Variants in THSD7B observed in about 807,000 individuals in gnomAD.
The protein encoded by THSD7B is thrombospondin type 1 domain containing 7B.
In THSD7B, 138 loss-of-function variants were observed where a neutral mutation model predicts 213.6. The observed-to-expected ratio is 0.65, with a 90% CI of 0.56 to 0.74. The LOEUF is 0.74. THSD7B is among the 30% of genes least tolerant of loss of function. THSD7B has a pLI of 0.00. For missense variants in THSD7B, 1,931 were observed against 1,991.5 expected, an observed-to-expected ratio of 0.97 and a Z score of 0.58; for synonymous variants, 742 against 687.0, an observed-to-expected ratio of 1.08 and a Z score of -1.25.
At chr2:137,306,447 A>G (rs534857593) in intron 12 of THSD7B, among the ~76,000 whole-genome samples, 139 of 152,154 alleles carry the variant, frequency 9.1e-4, no homozygotes, top group Middle Eastern at 6.8e-3. Flanking sequence ...TTTTTCTTCA[A>G]ACTTTAAAGA....
chr2:136,956,073 C>T (rs1558866469), intron 2 of THSD7B, among the ~76,000 whole-genome samples: 1 of 149,590 alleles, frequency 6.7e-6, no homozygotes, highest in Non-Finnish European at 1.5e-5. Flanking sequence ...TTTTCTTGCA[C>T]ATAAAAAACA....
At chr2:137,432,302 A>G (rs7597853) in intron 14 of THSD7B, among the ~76,000 whole-genome samples, 85,763 of 152,094 alleles carry the variant, frequency 0.56, 27,396 homozygotes, top group East Asian at 0.77. Context: ...GAGGCAGGGG[A>G]ATCGCTTGAA....
chr2:137,444,851 A>ATAT lies in THSD7B; in HGVS notation c.2960-5992_2960-5990dup, dbSNP rs560113095. On this transcript the variant is annotated intron_variant, in intron 14 of 27. Coordinates refer to ENST00000409968, the MANE Select transcript of THSD7B (RefSeq NM_001316349.2). ...GAGACAACCTACAGAACGAGAGAAA[A>ATAT]TATTTGCAAACTATTCATTCAATAA... Among the ~76,000 whole-genome samples the ATAT allele has an allele frequency of 2.4e-4, 36 of 152,208 alleles. No homozygotes were observed. The East Asian group carries it at 3.7e-3, about 16-fold the overall frequency.
chr2:137,657,912 C>G (rs1437971575), intron 24 of THSD7B, among the ~76,000 whole-genome samples: 1 of 152,018 alleles, frequency 6.6e-6, no homozygotes, highest in Non-Finnish European at 1.5e-5. Context: ...AGGGTTTCAC[C>G]ATGTTGGCCA....
At chr2:137,326,374 CCTTT>C (rs1247210432) in intron 12 of THSD7B, among the ~76,000 whole-genome samples, 1 of 151,574 alleles carries the variant, frequency 6.6e-6, no homozygotes, top group Non-Finnish European at 1.5e-5. Flanking sequence ...CGCCATTCCT[CCTTT>C]CTTATCTTGG....
chr2:137,177,747 C>A (rs1680385123), intron 7 of THSD7B, among the ~76,000 whole-genome samples: 1 of 152,128 alleles, frequency 6.6e-6, no homozygotes, highest in African/African-American at 2.4e-5. Flanking sequence ...GCATGTCTTA[C>A]AAGGCATGTC....
At chr2:137,436,384 A>G (rs1405698905) in intron 14 of THSD7B, among the ~76,000 whole-genome samples, 1 of 152,164 alleles carries the variant, frequency 6.6e-6, no homozygotes, top group Non-Finnish European at 1.5e-5. Flanking sequence ...CAGATAGGTT[A>G]AAGAATTTGC....
intron 7 of THSD7B, among the ~76,000 whole-genome samples, chr2:137,195,743 T>TA (rs1329749881): frequency 5.9e-5 from 9 of 152,066 alleles, no homozygotes; most frequent in African/African-American, 1.9e-4. Flanking sequence ...ATAATGGAAT[T>TA]AAAAAATCAG....
rs562506460 is a variant in THSD7B at position 137,161,270 on chromosome 2, A to G, written c.1525+902A>G. 2.6e-5 allele frequency among the ~76,000 whole-genome samples: 4 copies of G among 152,218 alleles called. No individual in the cohort carries two copies. In the South Asian group the frequency reaches 8.3e-4, roughly 32 times the overall value. ...CTCTTTCATTGACCCTTTAGTTTCT[A>G]TTGATACTGTGTTCCCTTAAATGAC... On this transcript the variant is annotated intron_variant, in intron 6 of 27. Coordinates refer to ENST00000409968, the MANE Select transcript of THSD7B (RefSeq NM_001316349.2).
At chr2:137,123,533 A>C (rs941297435) in intron 5 of THSD7B, among the ~76,000 whole-genome samples, 1 of 152,282 alleles carries the variant, frequency 6.6e-6, no homozygotes, top group African/African-American at 2.4e-5. Flanking sequence ...TTGTTTCTGC[A>C]CTGTCATTGC....
intron 2 of THSD7B, among the ~76,000 whole-genome samples, chr2:136,977,816 T>TTTTTG (rs1685508669): frequency 1.1e-5 from 1 of 89,498 alleles, no homozygotes. Flanking sequence ...TTTTTTTTTT[T>TTTTTG]TTTTTTAAAC....
At chr2:136,978,695 G>A (rs929228215) in intron 2 of THSD7B, among the ~76,000 whole-genome samples, 5 of 151,990 alleles carry the variant, frequency 3.3e-5, no homozygotes, top group African/African-American at 1.2e-4. Context: ...ATGTGAGGTG[G>A]GTCTCTTGAA....
chr2:137,040,343 A>G (rs528732655), intron 2 of THSD7B, among the ~76,000 whole-genome samples: 1 of 151,882 alleles, frequency 6.6e-6, no homozygotes, highest in South Asian at 2.1e-4. Flanking sequence ...AACTAGCCCA[A>G]GAGGTAGCTA....
chr2:136,934,269 C>A (rs932803878), intron 2 of THSD7B, among the ~76,000 whole-genome samples: 7 of 152,112 alleles, frequency 4.6e-5, no homozygotes, highest in Non-Finnish European at 8.8e-5. Context: ...TCATTAACTT[C>A]TATACTTATT....
intron 10 of THSD7B, among the ~76,000 whole-genome samples, chr2:137,265,555 G>A (rs1682568119): frequency 6.6e-6 from 1 of 152,166 alleles, no homozygotes; most frequent in African/African-American, 2.4e-5. Flanking sequence ...CAAAGACTTG[G>A]AACCAACCCA....
At chr2:137,138,388 C>G (rs775446354) in intron 5 of THSD7B, among the ~76,000 whole-genome samples, 1 of 152,126 alleles carries the variant, frequency 6.6e-6, no homozygotes, top group Non-Finnish European at 1.5e-5. Flanking sequence ...ATATTCCTAA[C>G]AGCTTTTGGT....
intron 14 of THSD7B, among the ~76,000 whole-genome samples, chr2:137,430,438 T>C (rs980094954): frequency 1.3e-5 from 2 of 152,180 alleles, no homozygotes; most frequent in Admixed American, 1.3e-4. Flanking sequence ...AGGCCAGTAA[T>C]TCTTCACTTT....
intron 17 of THSD7B, among the ~76,000 whole-genome samples, chr2:137,585,761 A>C (rs1463123795): frequency 1.3e-5 from 2 of 152,164 alleles, no homozygotes; most frequent in Non-Finnish European, 2.9e-5. Context: ...ACTTTCAACT[A>C]TGTGGTCAAT....
At chr2:137,538,778 C>T (rs1226118881) in intron 15 of THSD7B, among the ~76,000 whole-genome samples, 2 of 151,612 alleles carry the variant, frequency 1.3e-5, no homozygotes, top group Admixed American at 1.3e-4. Context: ...AGGAAGAAAA[C>T]AATGCTCTGA....
Sources: gnomAD v4.1 joint callset for allele counts (sites outside exome capture counted in the v4.1 genomes callset) on GRCh38, gnomAD v4.1.1 for gene constraint, MANE v1.5 for transcripts, NCBI Gene and HGNC (gene_info 2026-07-23, HGNC 2026-07-21) for gene names.